Variants in DCDC2C observed in about 807,000 individuals in gnomAD.
The protein encoded by DCDC2C is doublecortin domain containing 2C, also known as doublecortin domain-containing protein 2C.
DCDC2C carries 44 observed loss-of-function variants against 45.0 expected under a neutral mutation model. The observed-to-expected ratio is 0.98, with a 90% CI of 0.77 to 1.26. The LOEUF (loss-of-function observed/expected upper bound fraction) is 1.26, where lower values mean the gene tolerates loss of function less well. Among genes scored for constraint, DCDC2C ranks in the 50% most tolerant of loss-of-function variants. DCDC2C has a pLI of 0.00. For synonymous variants in DCDC2C, 187 were observed against 178.8 expected, an observed-to-expected ratio of 1.05 and a Z score of -0.37; for missense variants, 447 against 468.9, an observed-to-expected ratio of 0.95 and a Z score of 0.43.
intron 10 of DCDC2C, among the ~76,000 whole-genome samples, chr2:3,846,199 A>AC (rs940595689): frequency 1.6e-5 from 2 of 121,718 alleles, no homozygotes; most frequent in African/African-American, 6.5e-5. Flanking sequence ...TTTCTTCCCC[A>AC]CCCCCGTCCT....
At chr2:3,764,941 T>C (rs1462805565) in intron 6 of DCDC2C, among the ~76,000 whole-genome samples, 1 of 152,186 alleles carries the variant, frequency 6.6e-6, no homozygotes, top group African/African-American at 2.4e-5. Flanking sequence ...CAGATGAATA[T>C]CCTAAATTTG....
At position 3,727,053 on chromosome 2, in the gene DCDC2C, A is replaced by G; in HGVS notation, c.390A>G (p.Thr130=). ...CDINVPSKWQ[T]YHRISRHINV... is the part of the protein sequence containing the mutation. ...TAAATGTGCCTTCCAAGTGGCAAAC[A>G]TATCATCGTATATCTCGACATATAA... Residue 130 remains threonine (T), a synonymous_variant, in exon 3 of 11, where the codon ACA becomes ACG. Coordinates refer to ENST00000399143, the MANE Select transcript of DCDC2C (RefSeq NM_001287444.2). The G allele has an allele frequency of 6.5e-7, 1 of 1,550,376 alleles. No individual in the cohort carries two copies. Among genetic ancestry groups the G allele is most frequent in the Non-Finnish European group, 8.7e-7 (1 of 1,146,838 alleles).
At chr2:3,798,889 C>T (rs1456931132) in intron 10 of DCDC2C, among the ~76,000 whole-genome samples, 1 of 152,084 alleles carries the variant, frequency 6.6e-6, no homozygotes, top group Non-Finnish European at 1.5e-5. Flanking sequence ...GTGGCATTCT[C>T]TGTATTTCCT....
Position 3,767,884 on chromosome 2 carries a change from A to G in DCDC2C, c.853+4A>G. ...CCTTTAGTCCAAAGGGGTGCAGGTGACGTGCAGTTTCATTCTGCTGTAGGC... is the reference window on the plus strand; with the variant it reads ...CCTTTAGTCCAAAGGGGTGCAGGTGGCGTGCAGTTTCATTCTGCTGTAGGC... On this transcript the variant is annotated splice_donor_region_variant and intron_variant, in intron 7 of 10. Transcript: ENST00000399143. 1 of 1,507,328 alleles carries G rather than the reference A, an allele frequency of 6.6e-7. No individual in the cohort carries two copies. The highest frequency in any genetic ancestry group is 1.3e-5 in the South Asian group (1 of 76,014). The allele number at this position is 1,507,328 out of a possible 1,614,324, so 93.4% of individuals were successfully genotyped here. A position where few individuals can be genotyped will look rare whatever the true frequency, so the allele number is the denominator to read the frequency against.
intron 10 of DCDC2C, among the ~76,000 whole-genome samples, chr2:3,826,186 A>G (rs963220957): frequency 1.3e-5 from 2 of 152,358 alleles, no homozygotes; most frequent in African/African-American, 4.8e-5. Context: ...AAATATGCAG[A>G]GAACACTCAG....
intron 10 of DCDC2C, among the ~76,000 whole-genome samples, chr2:3,838,625 A>C (rs1266171034): frequency 6.6e-6 from 1 of 152,094 alleles, no homozygotes; most frequent in African/African-American, 2.4e-5. Context: ...AGGGAGGAGG[A>C]TGGGGTAAAG....
intron 2 of DCDC2C, among the ~76,000 whole-genome samples, chr2:3,720,248 C>T (rs4849980): frequency 0.33 from 50,424 of 152,034 alleles, 8,800 homozygotes; most frequent in African/African-American, 0.45. Flanking sequence ...TCTGTGAGGA[C>T]GTAGCAAAAC....
chr2:3,741,818 C>T, intron 3 of DCDC2C, 102 bp from the exon 4 acceptor site: 1 of 1,269,982 alleles, frequency 7.9e-7, no homozygotes. Context: ...CTTAGTGCAT[C>T]TCATTGTTTT....
intron 10 of DCDC2C, among the ~76,000 whole-genome samples, chr2:3,837,517 G>T (rs987532254): frequency 6.6e-6 from 1 of 152,156 alleles, no homozygotes; most frequent in African/African-American, 2.4e-5. Context: ...GTCAAGGCTA[G>T]GTTCTTTCTG....
chr2:3,811,904 C>T (rs546169837), intron 10 of DCDC2C, among the ~76,000 whole-genome samples: 44 of 152,286 alleles, frequency 2.9e-4, no homozygotes, highest in African/African-American at 9.1e-4. Flanking sequence ...GTATGTTGAA[C>T]CAGCCTTGCA....
At chr2:3,704,116 C>T in intron 1 of DCDC2C, 78 bp downstream of exon 1, 1 of 1,143,012 alleles carries the variant, frequency 8.7e-7, no homozygotes, top group Non-Finnish European at 1.1e-6. Flanking sequence ...GGGCCGTGCC[C>T]CCCAGGTGTC....
At chr2:3,823,770 A>T (rs1213101346) in intron 10 of DCDC2C, among the ~76,000 whole-genome samples, 1 of 151,786 alleles carries the variant, frequency 6.6e-6, no homozygotes, top group Admixed American at 6.6e-5. Context: ...ATCTTTTTGA[A>T]TTTTTTTGAA....
chr2:3,829,702 G>A (rs763303565), intron 10 of DCDC2C, among the ~76,000 whole-genome samples: 9 of 152,078 alleles, frequency 5.9e-5, no homozygotes, highest in Non-Finnish European at 1.2e-4. Context: ...CCTGAACCAG[G>A]CTTCTGCTCA....
At chr2:3,715,121 A>T (rs1255162105) in intron 2 of DCDC2C, among the ~76,000 whole-genome samples, 1 of 152,230 alleles carries the variant, frequency 6.6e-6, no homozygotes, top group Non-Finnish European at 1.5e-5. Flanking sequence ...ATGGGAGCAT[A>T]ATCTACATTT....
chr2:3,732,151 C>T (rs1017998039), intron 3 of DCDC2C, among the ~76,000 whole-genome samples: 20 of 151,880 alleles, frequency 1.3e-4, no homozygotes, highest in Non-Finnish European at 2.4e-4. Context: ...TTCGGGGGAC[C>T]GAGGAGTAGT....
chr2:3,824,364 T>G lies in DCDC2C; in HGVS notation c.1066-22790T>G, dbSNP rs114525247. On this transcript the variant is annotated intron_variant, in intron 10 of 10. Transcript: ENST00000399143. ...TTGCAACTACTCAACTCTGTTTTAT[T>G]GCAGACATAGACAAATCTTGAATGA... Among the ~76,000 whole-genome samples the G allele has an allele frequency of 7.0e-3, 1,067 of 152,334 alleles. 12 individuals carry two copies. The highest frequency in any genetic ancestry group is 0.024 in the African/African-American group (1,010 of 41,566).
At chr2:3,825,122 A>G (rs539767844) in intron 10 of DCDC2C, among the ~76,000 whole-genome samples, 1 of 152,242 alleles carries the variant, frequency 6.6e-6, no homozygotes, top group Non-Finnish European at 1.5e-5. Flanking sequence ...CCAGCCTTGC[A>G]TCATGGGGGA....
At chr2:3,719,870 G>C (rs967233958) in intron 2 of DCDC2C, among the ~76,000 whole-genome samples, 19 of 152,332 alleles carry the variant, frequency 1.2e-4, no homozygotes, top group African/African-American at 4.1e-4. Flanking sequence ...CAGAGGCGAG[G>C]CTCCAGAGAA....
chr2:3,732,604 T>C (rs1368591590), intron 3 of DCDC2C, among the ~76,000 whole-genome samples: 1 of 152,160 alleles, frequency 6.6e-6, no homozygotes, highest in Non-Finnish European at 1.5e-5. Flanking sequence ...TAAAGGCTGA[T>C]CAAGGAGTTT....
Sources: gnomAD v4.1 joint callset for allele counts (sites outside exome capture counted in the v4.1 genomes callset) on GRCh38, gnomAD v4.1.1 for gene constraint, MANE v1.5 for transcripts, NCBI Gene and HGNC (gene_info 2026-07-23, HGNC 2026-07-21) for gene names.